MYRIP: variants seen among roughly 807,000 people sequenced by gnomAD.
The protein encoded by MYRIP is myosin VIIA and Rab interacting protein.
Under a neutral mutation model 98.0 loss-of-function variants are expected in MYRIP, and 49 were observed. That is an observed-to-expected ratio of 0.50 (90% CI 0.40 to 0.63). The LOEUF is 0.63. Among genes scored for constraint, MYRIP ranks in the 30% least tolerant of loss-of-function variants. MYRIP has a pLI of 0.00. For synonymous variants in MYRIP, 404 were observed against 409.5 expected (o/e 0.99, Z 0.16); for missense variants, 1,004 against 1,058.2 (o/e 0.95, Z 0.71).
intron 3 of MYRIP, among the ~76,000 whole-genome samples, chr3:40,077,250 CAA>C (rs1948365429): frequency 6.6e-6 from 1 of 152,134 alleles, no homozygotes; most frequent in African/African-American, 2.4e-5. Context: ...AGCGAAAGAA[CAA>C]AGCTTCCACA....
chr3:39,921,255 G>A (rs1944295635), intron 2 of MYRIP, among the ~76,000 whole-genome samples: 1 of 152,142 alleles, frequency 6.6e-6, no homozygotes. Context: ...CAGGAATTAA[G>A]CATGTTGCAA....
chr3:39,820,983 A>G (rs937061408), intron 1 of MYRIP, among the ~76,000 whole-genome samples: 1 of 152,128 alleles, frequency 6.6e-6, no homozygotes. Flanking sequence ...CTGATGGTGG[A>G]TGGGGATGCA....
At chr3:40,181,042 G>A (rs992559593) in intron 8 of MYRIP, among the ~76,000 whole-genome samples, 3 of 152,164 alleles carry the variant, frequency 2.0e-5, no homozygotes, top group Admixed American at 6.5e-5. Flanking sequence ...TTAAAGCTCA[G>A]TGTTGTCACC....
chr3:40,042,133 AC>A (rs35929221), intron 2 of MYRIP, among the ~76,000 whole-genome samples: 69,224 of 139,482 alleles, frequency 0.5, 18,758 homozygotes, highest in East Asian at 0.66. Flanking sequence ...TTCAAATTAC[AC>A]AGCTTTACAG....
chr3:39,990,391 G>C (rs972575435), intron 2 of MYRIP, among the ~76,000 whole-genome samples: 1 of 152,138 alleles, frequency 6.6e-6, no homozygotes, highest in African/African-American at 2.4e-5. Context: ...TTTTCAAGGG[G>C]AGCCTCTGAT....
At chr3:39,962,569 T>TA (rs1945348694) in intron 2 of MYRIP, among the ~76,000 whole-genome samples, 1 of 152,100 alleles carries the variant, frequency 6.6e-6, no homozygotes, top group South Asian at 2.1e-4. Flanking sequence ...TGTCCAGAGA[T>TA]ACATGTTTCC....
intron 3 of MYRIP, among the ~76,000 whole-genome samples, chr3:40,109,039 A>T (rs1485752431): frequency 6.6e-6 from 1 of 152,100 alleles, no homozygotes; most frequent in Non-Finnish European, 1.5e-5. Context: ...AGCCAACCCT[A>T]AGTCTCTTTC....
intron 11 of MYRIP, among the ~76,000 whole-genome samples, chr3:40,216,702 ATAT>A (rs1952130867): frequency 6.6e-6 from 1 of 152,166 alleles, no homozygotes; most frequent in Admixed American, 6.6e-5. Flanking sequence ...CATTCAACAC[ATAT>A]TCCATTGGGG....
At chr3:39,963,562 C>A (rs1945374534) in intron 2 of MYRIP, among the ~76,000 whole-genome samples, 1 of 152,102 alleles carries the variant, frequency 6.6e-6, no homozygotes, top group Admixed American at 6.6e-5. Flanking sequence ...TATGCAAATG[C>A]AGGGATGACC....
chr3:40,098,730 G>A (rs1948878726), intron 3 of MYRIP, among the ~76,000 whole-genome samples: 1 of 127,744 alleles, frequency 7.8e-6, no homozygotes, highest in Non-Finnish European at 1.7e-5. Flanking sequence ...ATCTCTCTCT[G>A]TCTCTCTCAT....
At chr3:40,136,399 C>G (rs893335493) in intron 3 of MYRIP, among the ~76,000 whole-genome samples, 4 of 152,134 alleles carry the variant, frequency 2.6e-5, no homozygotes, top group African/African-American at 9.7e-5. Context: ...CCTTAGAAAC[C>G]TACAAAGAGA....
chr3:40,048,884 C>G (rs368215031), intron 3 of MYRIP, among the ~76,000 whole-genome samples: 13 of 152,214 alleles, frequency 8.5e-5, no homozygotes, highest in Middle Eastern at 3.4e-3. Context: ...AAATGGGATA[C>G]TACTGAATCA....
At chr3:40,045,423 C>T (rs1947651045) in intron 3 of MYRIP, among the ~76,000 whole-genome samples, 2 of 152,178 alleles carry the variant, frequency 1.3e-5, no homozygotes, top group South Asian at 4.1e-4. Context: ...ATCTGGGTCT[C>T]CACATGGCAG....
chr3:40,118,233 G>T (rs2125908310), intron 3 of MYRIP, among the ~76,000 whole-genome samples: 1 of 152,330 alleles, frequency 6.6e-6, no homozygotes, highest in East Asian at 1.9e-4. Flanking sequence ...TGTTGGCAGA[G>T]GCTAATATGT....
rs548628610 is a variant in MYRIP at position 39,865,345 on chromosome 3, TTAACAGAGTAAACAGAG to T, written c.-30-35421_-30-35405del. ...AAGAGCTTCTGCCCAACAGAAACTA[TTAACAGAGTAAACAGAG>T]TAACAGAGTAAACAGAGTAAACAGA... is the stretch of plus-strand genomic sequence containing the variant. On this transcript the variant is annotated intron_variant, in intron 1 of 16. Transcript: ENST00000302541. Among the ~76,000 whole-genome samples, 180 of 151,646 alleles carry T rather than the reference TTAACAGAGTAAACAGAG, an allele frequency of 1.2e-3. 2 individuals are homozygous for T. In the South Asian group the frequency reaches 0.036, roughly 30 times the overall value.
intron 1 of MYRIP, among the ~76,000 whole-genome samples, chr3:39,834,437 AAAT>A (rs1042414516): frequency 1.3e-5 from 2 of 152,196 alleles, no homozygotes; most frequent in African/African-American, 4.8e-5. Context: ...ATGTAACTAT[AAAT>A]AATGTTTCTA....
chr3:39,837,851 T>TG (rs1941675776), intron 1 of MYRIP, among the ~76,000 whole-genome samples: 1 of 152,252 alleles, frequency 6.6e-6, no homozygotes, highest in African/African-American at 2.4e-5. Flanking sequence ...TCCATGAGCA[T>TG]GGAATGTTTT....
rs1553607293 is a variant in MYRIP at position 40,036,324 on chromosome 3, A to AAAAAAAAAC, written c.111-7726_111-7725insAAAAAAAAC. 1.7e-3 allele frequency among the ~76,000 whole-genome samples: 212 copies of AAAAAAAAAC among 125,580 alleles called. 12 individuals are homozygous for AAAAAAAAAC. Among genetic ancestry groups the AAAAAAAAAC allele is most frequent in the African/African-American group, 5.1e-3 (175 of 34,594 alleles). 82.4% of individuals were successfully genotyped at this position (125,580 alleles called of 152,430 possible). A position where few individuals can be genotyped will look rare whatever the true frequency, so the allele number is the denominator to read the frequency against. ...TACCAAAAAAAAAAAAAAAAAAAAA[A>AAAAAAAAAC]CTTTATTCAAAATGAGCTGTCAACT... On this transcript the variant is annotated intron_variant, in intron 2 of 16. Transcript: ENST00000302541.
chr3:40,115,312 T>C (rs1298082155), intron 3 of MYRIP, among the ~76,000 whole-genome samples: 1 of 152,224 alleles, frequency 6.6e-6, no homozygotes. Context: ...TGAGACTGGG[T>C]AATTTATAAA....
Sources: gnomAD v4.1 joint callset for allele counts (sites outside exome capture counted in the v4.1 genomes callset) on GRCh38, gnomAD v4.1.1 for gene constraint, MANE v1.5 for transcripts, NCBI Gene and HGNC (gene_info 2026-07-23, HGNC 2026-07-21) for gene names.